CNTN4: variants seen among roughly 807,000 people sequenced by gnomAD.
The protein encoded by CNTN4 is contactin-4.
CNTN4 carries 77 observed loss-of-function variants against 122.5 expected under a neutral mutation model. That is an observed-to-expected ratio of 0.63 (90% CI 0.52 to 0.76). CNTN4 has a LOEUF of 0.76. CNTN4 is among the 30% of genes least tolerant of loss of function. CNTN4 has a pLI of 0.00. For missense variants in CNTN4, 1,256 were observed against 1,259.1 expected, an observed-to-expected ratio of 1.00 and a Z score of 0.04; for synonymous variants, 512 against 447.0, an observed-to-expected ratio of 1.15 and a Z score of -1.83.
intron 3 of CNTN4, among the ~76,000 whole-genome samples, chr3:2,465,312 CT>C (rs1191519844): frequency 6.6e-6 from 1 of 152,126 alleles, no homozygotes; most frequent in Non-Finnish European, 1.5e-5. Flanking sequence ...GTTGATTTCT[CT>C]CTTTTAAAAC....
chr3:3,018,299 C>T (rs1489808322), intron 14 of CNTN4, among the ~76,000 whole-genome samples: 1 of 152,190 alleles, frequency 6.6e-6, no homozygotes, highest in African/African-American at 2.4e-5. Context: ...TTTCTTTATT[C>T]ATTCTTCTTT....
chr3:2,215,443 A>G (rs2038795328), intron 2 of CNTN4, among the ~76,000 whole-genome samples: 1 of 152,222 alleles, frequency 6.6e-6, no homozygotes, highest in African/African-American at 2.4e-5. Context: ...TGGTATATAC[A>G]GCCTCCTGAT....
intron 23 of CNTN4, among the ~76,000 whole-genome samples, chr3:3,048,362 G>A (rs183562065): frequency 2.0e-5 from 3 of 152,116 alleles, no homozygotes; most frequent in East Asian, 3.9e-4. Context: ...TAAAGTATAC[G>A]GAAAGATATG....
chr3:2,238,682 T>C (rs2039777322), intron 2 of CNTN4: 1 of 150,668 alleles, frequency 6.6e-6, no homozygotes, highest in Non-Finnish European at 1.5e-5. Context: ...CCTAACTTAC[T>C]CCTGTAAAAA....
intron 2 of CNTN4, among the ~76,000 whole-genome samples, chr3:2,124,605 CAAT>C (rs113033678): frequency 4.6e-5 from 7 of 151,968 alleles, no homozygotes; most frequent in Admixed American, 1.3e-4. Flanking sequence ...TCAACAACAA[CAAT>C]GACAACAACA....
At chr3:2,287,692 A>G (rs1255717887) in intron 2 of CNTN4, among the ~76,000 whole-genome samples, 6 of 91,764 alleles carry the variant, frequency 6.5e-5, no homozygotes, top group Admixed American at 2.3e-4. Context: ...GAAGAAGAAG[A>G]GGAAGAAGAA....
chr3:3,033,970 A>C (rs149882923), intron 16 of CNTN4, among the ~76,000 whole-genome samples: 1 of 152,164 alleles, frequency 6.6e-6, no homozygotes, highest in Admixed American at 6.5e-5. Flanking sequence ...TATCTAGCCT[A>C]ATTTTGAAAT....
In CNTN4 at chr3:2,301,589, A is replaced by G. The variant is rs139465053; in HGVS notation, c.-144-37589A>G. On this transcript the variant is annotated intron_variant, in intron 2 of 24. Coordinates refer to ENST00000418658, the MANE Select transcript of CNTN4 (RefSeq NM_175607.3). The stretch of plus-strand genomic sequence containing the variant: ...TTTTAACAGCTTCACCATATGTTTT[A>G]TTCCTTTTGATTTGTAAGAAATTTG... 4.0e-3 allele frequency among the ~76,000 whole-genome samples: 614 copies of G among 152,260 alleles called. 3 individuals are homozygous for G. Among genetic ancestry groups the G allele is most frequent in the African/African-American group, 0.014 (587 of 41,550 alleles).
At chr3:2,124,205 A>G (rs1311430865) in intron 2 of CNTN4, among the ~76,000 whole-genome samples, 1 of 152,180 alleles carries the variant, frequency 6.6e-6, no homozygotes, top group African/African-American at 2.4e-5. Context: ...AGTGAGGGGA[A>G]GGGATTATCT....
At chr3:2,929,740 C>T (rs62232818) in intron 13 of CNTN4, among the ~76,000 whole-genome samples, 12,786 of 152,192 alleles carry the variant, frequency 0.084, 586 homozygotes, top group Middle Eastern at 0.15. Flanking sequence ...TCCAATGTAT[C>T]GCAATGTCCA....
intron 4 of CNTN4, among the ~76,000 whole-genome samples, chr3:2,625,081 G>T (rs942124176): frequency 6.6e-6 from 1 of 152,144 alleles, no homozygotes; most frequent in Non-Finnish European, 1.5e-5. Context: ...GCAATAAAGA[G>T]AACTTAAAAC....
intron 5 of CNTN4, among the ~76,000 whole-genome samples, chr3:2,744,765 G>A (rs189806910): frequency 4.5e-4 from 69 of 152,244 alleles, no homozygotes; most frequent in East Asian, 1.2e-3. Context: ...CCAAAACTTC[G>A]CTGTTAAAAT....
chr3:2,935,419 A>G (rs970936111), intron 13 of CNTN4, among the ~76,000 whole-genome samples: 3 of 152,178 alleles, frequency 2.0e-5, no homozygotes, highest in African/African-American at 4.8e-5. Context: ...CCTGGTTTTC[A>G]GGCCTTATTG....
At chr3:2,901,130 C>T (rs1331758372) in intron 11 of CNTN4, among the ~76,000 whole-genome samples, 1 of 152,140 alleles carries the variant, frequency 6.6e-6, no homozygotes, top group African/African-American at 2.4e-5. Context: ...AAGGAACATA[C>T]ATTCCAGCAT....
chr3:2,386,352 C>T (rs2046257561), intron 3 of CNTN4, among the ~76,000 whole-genome samples: 1 of 152,140 alleles, frequency 6.6e-6, no homozygotes, highest in Admixed American at 6.5e-5. Context: ...AGACATACAA[C>T]CCATAGTTTT....
intron 2 of CNTN4, among the ~76,000 whole-genome samples, chr3:2,321,016 G>T (rs2043259281): frequency 6.6e-6 from 1 of 152,110 alleles, no homozygotes. Context: ...AGTTCAAAGA[G>T]AAATGATAGA....
At chr3:2,910,973 A>C (rs1023496543) in intron 12 of CNTN4, among the ~76,000 whole-genome samples, 26 of 152,104 alleles carry the variant, frequency 1.7e-4, no homozygotes, top group African/African-American at 5.6e-4. Context: ...AATTTATGGC[A>C]CTCGCTTGCT....
rs749746423 is a variant in CNTN4, at chr3:2,513,498, C to CT, written c.-88-57909dup. On this transcript the variant is annotated intron_variant, in intron 3 of 24. Transcript: ENST00000418658. Reference sequence around the variant, plus strand: ...ATAGTGTTCTTTTGAGTTTCGATTTCTTTTTTTTTCAGGGTCCCGAACCCC... The same window carrying CT: ...ATAGTGTTCTTTTGAGTTTCGATTTCTTTTTTTTTTCAGGGTCCCGAACCCC... Among the ~76,000 whole-genome samples the CT allele has an allele frequency of 3.5e-4, 53 of 150,460 alleles. No homozygotes were observed. The East Asian group carries it at 5.1e-3, about 14-fold the overall frequency.
chr3:2,323,706 A>C (rs960173183), intron 2 of CNTN4, among the ~76,000 whole-genome samples: 1 of 152,182 alleles, frequency 6.6e-6, no homozygotes, highest in Non-Finnish European at 1.5e-5. Context: ...CCCTGACTTG[A>C]ATAAACAAGT....
Sources: allele counts gnomAD v4.1 joint callset (sites outside exome capture counted in the v4.1 genomes callset), GRCh38; gene constraint gnomAD v4.1.1; transcripts MANE v1.5; gene names NCBI Gene and HGNC (gene_info 2026-07-23, HGNC 2026-07-21).